Variants in PTPRD observed in about 807,000 individuals in gnomAD.
The protein encoded by PTPRD is protein tyrosine phosphatase receptor type D.
In PTPRD, 34 loss-of-function variants were observed where a neutral mutation model predicts 214.5. That is an observed-to-expected ratio of 0.16 (90% CI 0.12 to 0.21). The LOEUF is 0.21. Ranked by LOEUF, PTPRD falls within the 10% of genes least tolerant of loss-of-function variation. The pLI is 1.00. For synonymous variants in PTPRD, 1,128 were observed against 845.7 expected (o/e 1.33, Z -5.79); for missense variants, 2,545 against 2,398.7 (o/e 1.06, Z -1.27).
In PTPRD at chr9:9,208,627, A is replaced by G. The variant is rs75253003; in HGVS notation, c.-202-25264T>C. ...GGGGAACATACCAAGTGTTTTTCCT[A>G]TCTGTCTTAAGTGAACCAATTAGTA... is the stretch of plus-strand genomic sequence containing the variant. On this transcript the variant is annotated intron_variant, in intron 9 of 45. Transcript: ENST00000381196. 7.7e-3 allele frequency among the ~76,000 whole-genome samples: 1,168 copies of G among 151,952 alleles called. 18 individuals carry two copies. The highest frequency in any genetic ancestry group is 0.026 in the African/African-American group (1,064 of 41,492).
In PTPRD at chr9:10,193,189, C is replaced by CT. The variant is rs1048363702; in HGVS notation, c.-545+147773dup. Among the ~76,000 whole-genome samples, 27 of 151,246 alleles carry CT rather than the reference C, an allele frequency of 1.8e-4. 1 individual carries two copies. The highest frequency in any genetic ancestry group is 2.1e-4 in the South Asian group (1 of 4,768). ...AGAGACTCTATTATTGTCATTTTAT[C>CT]TTTTTTTTTCCTTTTTAAACTTTTA... is the stretch of plus-strand genomic sequence containing the variant. On this transcript the variant is annotated intron_variant, in intron 3 of 45. Coordinates refer to ENST00000381196, the MANE Select transcript of PTPRD (RefSeq NM_002839.4).
At chr9:10,513,915 C>T (rs1002151761) in intron 2 of PTPRD, among the ~76,000 whole-genome samples, 1 of 152,076 alleles carries the variant, frequency 6.6e-6, no homozygotes, top group African/African-American at 2.4e-5. Flanking sequence ...TCTCAGGGTT[C>T]CAAGCAATGC....
intron 8 of PTPRD, among the ~76,000 whole-genome samples, chr9:9,503,237 G>C (rs1423422233): frequency 6.6e-6 from 1 of 151,318 alleles, no homozygotes; most frequent in African/African-American, 2.4e-5. Context: ...GTTACCATTG[G>C]ATTTTTAATA....
chr9:9,659,444 G>T (rs1055838872), intron 7 of PTPRD, among the ~76,000 whole-genome samples: 5 of 151,942 alleles, frequency 3.3e-5, no homozygotes, highest in Non-Finnish European at 4.4e-5. Context: ...TTATTATACT[G>T]GGGGCTTTTG....
chr9:9,866,905 G>C (rs776911231), intron 5 of PTPRD, among the ~76,000 whole-genome samples: 1 of 151,984 alleles, frequency 6.6e-6, no homozygotes, highest in Non-Finnish European at 1.5e-5. Context: ...CTATTAAACC[G>C]CAACAGTTTT....
intron 35 of PTPRD, among the ~76,000 whole-genome samples, chr9:8,428,914 C>CA (rs1314647585): frequency 6.6e-6 from 1 of 152,182 alleles, no homozygotes; most frequent in African/African-American, 2.4e-5. Flanking sequence ...TACCAAGAGT[C>CA]TTTTCCAAGG....
At chr9:10,265,986 A>G (rs2094026298) in intron 3 of PTPRD, among the ~76,000 whole-genome samples, 1 of 152,230 alleles carries the variant, frequency 6.6e-6, no homozygotes, top group Admixed American at 6.5e-5. Flanking sequence ...AATGCAAGTG[A>G]TCATGTAAAA....
intron 11 of PTPRD, among the ~76,000 whole-genome samples, chr9:8,911,662 A>ATTTT (rs1403811785): frequency 1.3e-5 from 2 of 152,178 alleles, no homozygotes; most frequent in African/African-American, 4.8e-5. Flanking sequence ...AATTTTTAAA[A>ATTTT]AGCAATAGGT....
At chr9:9,676,459 T>C (rs991457451) in intron 7 of PTPRD, among the ~76,000 whole-genome samples, 1 of 152,036 alleles carries the variant, frequency 6.6e-6, no homozygotes, top group Admixed American at 6.6e-5. Flanking sequence ...CATGAACTCA[T>C]CATTTTTTAT....
At chr9:8,646,595 C>A (rs1387891098) in intron 12 of PTPRD, among the ~76,000 whole-genome samples, 1 of 152,114 alleles carries the variant, frequency 6.6e-6, no homozygotes, top group African/African-American at 2.4e-5. Context: ...TTTTTCAATT[C>A]TAAATTAAGT....
intron 30 of PTPRD, among the ~76,000 whole-genome samples, chr9:8,482,028 G>A (rs531050454): frequency 2.0e-5 from 3 of 152,120 alleles, no homozygotes; most frequent in South Asian, 2.1e-4. Flanking sequence ...TGATCTGCCC[G>A]CCTCGGCCTC....
chr9:8,613,460 T>G (rs1477357298), intron 14 of PTPRD, among the ~76,000 whole-genome samples: 1 of 152,060 alleles, frequency 6.6e-6, no homozygotes, highest in Non-Finnish European at 1.5e-5. Context: ...ACTGACTTAT[T>G]TTTTTTAAAA....
At chr9:8,941,002 T>G (rs144305939) in intron 11 of PTPRD, among the ~76,000 whole-genome samples, 1 of 152,156 alleles carries the variant, frequency 6.6e-6, no homozygotes, top group Non-Finnish European at 1.5e-5. Context: ...GGCTTCCATC[T>G]TGAAGATTTA....
In PTPRD at chr9:10,276,234, T is replaced by G. The variant is rs151303055; in HGVS notation, c.-545+64729A>C. On this transcript the variant is annotated intron_variant, in intron 3 of 45. Coordinates refer to ENST00000381196, the MANE Select transcript of PTPRD (RefSeq NM_002839.4). ...CCTTAATCCAGCCATTGCTTTCATT[T>G]GCATATTTAGTTTTATTTGGGAAAT... Among the ~76,000 whole-genome samples, 577 of 152,344 alleles carry G rather than the reference T, an allele frequency of 3.8e-3. 7 individuals carry two copies. Among genetic ancestry groups the G allele is most frequent in the African/African-American group, 0.013 (524 of 41,574 alleles).
At chr9:9,597,222 T>G (rs1318889475) in intron 7 of PTPRD, among the ~76,000 whole-genome samples, 1 of 151,764 alleles carries the variant, frequency 6.6e-6, no homozygotes, top group Non-Finnish European at 1.5e-5. Context: ...GGCCAACAGA[T>G]ATAACCTCCC....
At chr9:10,517,220 GTTTGTGTGA>G (rs2050438274) in intron 2 of PTPRD, among the ~76,000 whole-genome samples, 1 of 151,802 alleles carries the variant, frequency 6.6e-6, no homozygotes, top group African/African-American at 2.4e-5. Context: ...ATCTCCATTT[GTTTGTGTGA>G]TTTGATTTTT....
At chr9:8,742,765 C>G (rs955705790) in intron 11 of PTPRD, among the ~76,000 whole-genome samples, 1 of 152,048 alleles carries the variant, frequency 6.6e-6, no homozygotes, top group African/African-American at 2.4e-5. Context: ...TTAAATAGTT[C>G]ATTATGATAG....
Position 10,590,950 on chromosome 9 carries a change from C to G in PTPRD, c.-600+21448G>C, listed in dbSNP as rs559340414. 1.5e-4 allele frequency among the ~76,000 whole-genome samples: 23 copies of G among 151,112 alleles called. No individual in the cohort carries two copies. In the South Asian group the frequency reaches 4.8e-3, roughly 32 times the overall value. On this transcript the variant is annotated intron_variant, in intron 2 of 45. Coordinates refer to ENST00000381196, the MANE Select transcript of PTPRD (RefSeq NM_002839.4). ...ATATTACACTGTATATAGGTTATAC[C>G]TAAATAAAGCTGATTTAAGAATGTT...
At chr9:8,998,043 T>C (rs999553999) in intron 11 of PTPRD, among the ~76,000 whole-genome samples, 1 of 151,888 alleles carries the variant, frequency 6.6e-6, no homozygotes, top group Non-Finnish European at 1.5e-5. Context: ...GGTTCATGAG[T>C]TTTAAAAAAA....
Sources: gnomAD v4.1 joint callset for allele counts (sites outside exome capture counted in the v4.1 genomes callset) on GRCh38, gnomAD v4.1.1 for gene constraint, MANE v1.5 for transcripts, NCBI Gene and HGNC (gene_info 2026-07-23, HGNC 2026-07-21) for gene names.